Variants in UGT1A8 observed in about 807,000 individuals in gnomAD.
The protein encoded by UGT1A8 is UDP-glucuronosyltransferase 1A8.
In UGT1A8, 39 loss-of-function variants were observed where a neutral mutation model predicts 45.3. The ratio of observed to expected loss-of-function variants is 0.86; its 90% CI spans 0.67 to 1.12. The LOEUF is 1.12. Among genes scored for constraint, UGT1A8 ranks in the 50% most tolerant of loss-of-function variants. The pLI, the probability that UGT1A8 is intolerant of heterozygous loss-of-function variation, is 0.00. For synonymous variants in UGT1A8, 275 were observed against 249.2 expected, an observed-to-expected ratio of 1.10 and a Z score of -0.97; for missense variants, 719 against 664.9, an observed-to-expected ratio of 1.08 and a Z score of -0.90.
At chr2:233,701,225 G>A (rs1395250267) in intron 1 of UGT1A8, among the ~76,000 whole-genome samples, 2 of 152,092 alleles carry the variant, frequency 1.3e-5, no homozygotes, top group Non-Finnish European at 2.9e-5. Flanking sequence ...AATCCTTTGG[G>A]TATATACCCA....
chr2:233,760,579 A>G (rs2125986282), intron 1 of UGT1A8: 1 of 1,614,220 alleles, frequency 6.2e-7, no homozygotes, highest in South Asian at 1.1e-5. Context: ...TCTCGGGCAT[A>G]ATGTTTTTGA....
chr2:233,682,607 T>C (rs1418324238), intron 1 of UGT1A8: 4 of 1,613,944 alleles, frequency 2.5e-6, no homozygotes, highest in Non-Finnish European at 3.4e-6. Flanking sequence ...CCCCTATTTT[T>C]TCAAAAATGT....
intron 1 of UGT1A8, among the ~76,000 whole-genome samples, chr2:233,677,188 AT>A: frequency 6.6e-6 from 1 of 152,142 alleles, no homozygotes; most frequent in Non-Finnish European, 1.5e-5. Flanking sequence ...ATATCTTTTT[AT>A]TTAGGTCCGT....
At chr2:233,647,652 T>C (rs1284605326) in intron 1 of UGT1A8, among the ~76,000 whole-genome samples, 3 of 152,262 alleles carry the variant, frequency 2.0e-5, no homozygotes, top group Admixed American at 1.3e-4. Context: ...GTCCATTCCA[T>C]CTAAGTTGTA....
intron 1 of UGT1A8, among the ~76,000 whole-genome samples, chr2:233,651,229 C>T (rs1311432274): frequency 5.3e-5 from 8 of 152,172 alleles, no homozygotes; most frequent in Non-Finnish European, 1.2e-4. Context: ...GCAGCCTCAC[C>T]CTCTACCCAG....
intron 1 of UGT1A8, among the ~76,000 whole-genome samples, chr2:233,627,225 T>C (rs1289100583): frequency 6.6e-6 from 1 of 152,070 alleles, no homozygotes; most frequent in Non-Finnish European, 1.5e-5. Flanking sequence ...ATTAAAACCC[T>C]GTTCAGGCAG....
rs528054263 is a variant in UGT1A8, at chr2:233,637,875, A to T, written c.855+19313A>T. 1.4e-3 allele frequency among the ~76,000 whole-genome samples: 208 copies of T among 152,294 alleles called. 3 individuals are homozygous for T. The highest frequency in any genetic ancestry group is 4.8e-3 in the African/African-American group (199 of 41,570). On this transcript the variant is annotated intron_variant, in intron 1 of 4. Coordinates refer to ENST00000373450, the MANE Select transcript of UGT1A8 (RefSeq NM_019076.5). ...TTGCCAATAAATTATGGGTACCTTT[A>T]TAGAGCAATACAGACAGATTTGACA...
At chr2:233,732,002 T>C (rs950186664) in intron 1 of UGT1A8, among the ~76,000 whole-genome samples, 3 of 152,234 alleles carry the variant, frequency 2.0e-5, no homozygotes, top group South Asian at 2.1e-4. Context: ...TGGTATCTCA[T>C]TGTGGTTTTG....
chr2:233,651,312 GAGAT>G (rs1202467890), intron 1 of UGT1A8, among the ~76,000 whole-genome samples: 6 of 152,184 alleles, frequency 3.9e-5, no homozygotes, highest in African/African-American at 1.4e-4. Flanking sequence ...GAGGGCTTCC[GAGAT>G]ACGGAAAGCT....
chr2:233,687,016 G>A (rs1005140519), intron 1 of UGT1A8, among the ~76,000 whole-genome samples: 1 of 152,156 alleles, frequency 6.6e-6, no homozygotes, highest in Non-Finnish European at 1.5e-5. Flanking sequence ...AGGACTTTAG[G>A]AGGTGGTTCA....
chr2:233,637,526 C>CATGAAT, intron 1 of UGT1A8: 1 of 1,404,274 alleles, frequency 7.1e-7, no homozygotes, highest in Non-Finnish European at 9.4e-7. Context: ...AATTCATGTA[C>CATGAAT]TCATCAATTA....
intron 1 of UGT1A8, among the ~76,000 whole-genome samples, chr2:233,696,688 T>C (rs2075354948): frequency 6.6e-6 from 1 of 152,230 alleles, no homozygotes; most frequent in Admixed American, 6.5e-5. Context: ...ACAGTCAGCA[T>C]CTTTGTCTTA....
intron 1 of UGT1A8, among the ~76,000 whole-genome samples, chr2:233,759,519 G>A (rs757989605): frequency 9.9e-5 from 15 of 152,084 alleles, no homozygotes; most frequent in Non-Finnish European, 2.2e-4. Context: ...GCCTGTCCTT[G>A]GGGAAGACTT....
chr2:233,726,352 A>G (rs1342546979), intron 1 of UGT1A8, among the ~76,000 whole-genome samples: 1 of 152,162 alleles, frequency 6.6e-6, no homozygotes, highest in Non-Finnish European at 1.5e-5. Context: ...TGATTTATTT[A>G]TTTAAAACAC....
chr2:233,630,475 T>G (rs1243026180), intron 1 of UGT1A8, among the ~76,000 whole-genome samples: 1 of 152,188 alleles, frequency 6.6e-6, no homozygotes, highest in Non-Finnish European at 1.5e-5. Flanking sequence ...TGGTTGATTT[T>G]CTTTGTGCAG....
At chr2:233,684,509 G>A (rs1488139518) in intron 1 of UGT1A8, among the ~76,000 whole-genome samples, 1 of 152,120 alleles carries the variant, frequency 6.6e-6, no homozygotes, top group Admixed American at 6.5e-5. Flanking sequence ...ATTTAGAGAT[G>A]TAGAAATTAT....
chr2:233,628,192 T>A (rs949140103), intron 1 of UGT1A8, among the ~76,000 whole-genome samples: 2 of 152,216 alleles, frequency 1.3e-5, no homozygotes, highest in Non-Finnish European at 2.9e-5. Flanking sequence ...TGTGGTTTAA[T>A]AAATTTTTTA....
intron 1 of UGT1A8, among the ~76,000 whole-genome samples, chr2:233,668,444 C>G (rs1047347844): frequency 6.6e-6 from 1 of 152,176 alleles, no homozygotes; most frequent in African/African-American, 2.4e-5. Flanking sequence ...TTTTCTTAAT[C>G]CAGTCTACCA....
At chr2:233,729,642 T>C (rs1273465947) in intron 1 of UGT1A8, 5 of 1,613,940 alleles carry the variant, frequency 3.1e-6, no homozygotes, top group South Asian at 2.2e-5. Context: ...CTGTGTTTTT[T>C]TTGAGGAACA....
Sources: allele counts gnomAD v4.1 joint callset (sites outside exome capture counted in the v4.1 genomes callset), GRCh38; gene constraint gnomAD v4.1.1; transcripts MANE v1.5; gene names NCBI Gene and HGNC (gene_info 2026-07-23, HGNC 2026-07-21).